The following PIK3C3 variants were observed in gnomAD, a reference collection of about 807,000 sequenced individuals.
The protein encoded by PIK3C3 is phosphatidylinositol 3-kinase catalytic subunit type 3.
PIK3C3 carries 95 observed loss-of-function variants against 126.1 expected under a neutral mutation model. The observed-to-expected ratio is 0.75, with a 90% CI of 0.64 to 0.89. The LOEUF (loss-of-function observed/expected upper bound fraction) is 0.89. Among genes scored for constraint, PIK3C3 ranks in the 40% least tolerant of loss-of-function variants. The pLI is 0.00. For missense variants in PIK3C3, 829 were observed against 1,063.2 expected (o/e 0.78, Z 3.06); for synonymous variants, 374 against 360.0 (o/e 1.04, Z -0.44).
Position 41,957,753 on chromosome 18 carries a change from A to G in PIK3C3, c.252A>G (p.Arg84=), listed in dbSNP as rs745620322. 1.9e-6 allele frequency: 3 copies of G among 1,607,784 alleles called. No homozygotes were observed. Among genetic ancestry groups the G allele is most frequent in the African/African-American group, 1.3e-5 (1 of 74,238 alleles). The change falls in exon 2 of 25, where the codon AGA becomes AGG. Residue 84 remains arginine (R), a synonymous_variant. Transcript: ENST00000262039. Reference sequence around the variant, plus strand: ...CATCCTACAAAGCATTTAGTACAAGATGGAAGTAAGTTTTTTTGTGGCATA... The same window carrying G: ...CATCCTACAAAGCATTTAGTACAAGGTGGAAGTAAGTTTTTTTGTGGCATA... ...VRTSYKAFST[R]WNWNEWLKLP...
At chr18:41,996,313 G>C (rs538843394) in intron 8 of PIK3C3, among the ~76,000 whole-genome samples, 1 of 152,234 alleles carries the variant, frequency 6.6e-6, no homozygotes, top group East Asian at 1.9e-4. Context: ...CTTTAAAAGA[G>C]TTTATTGTGT....
chr18:41,994,275 A>G (rs1268272610), intron 7 of PIK3C3, among the ~76,000 whole-genome samples: 2 of 152,194 alleles, frequency 1.3e-5, no homozygotes, highest in South Asian at 2.1e-4. Context: ...GATAGTTCCT[A>G]TGCATAGTAT....
In PIK3C3 at chr18:42,020,848, C is replaced by T. The variant is rs542978612; in HGVS notation, c.1484+143C>T. 5.3e-4 allele frequency: 301 copies of T among 562,758 alleles called. 5 individuals carry two copies. The South Asian group carries it at 6.9e-3, about 13-fold the overall frequency. 34.9% of individuals were successfully genotyped at this position (562,758 alleles called of 1,614,324 possible). The stretch of plus-strand genomic sequence containing the variant: ...ATAGTATTTATATCTAACTGTATTC[C>T]CTGACAGCTGGGTTCATGGAAATGC... On this transcript the variant is annotated intron_variant, in intron 13 of 24. Transcript: ENST00000262039.
chr18:42,016,369 A>G (rs933510318), intron 12 of PIK3C3, among the ~76,000 whole-genome samples: 3 of 152,212 alleles, frequency 2.0e-5, no homozygotes, highest in Non-Finnish European at 2.9e-5. Context: ...TAAGAAGCCA[A>G]TCTGCTACAG....
At chr18:42,037,635 T>A in intron 16 of PIK3C3, 57 bp from the exon 17 acceptor site, 2 of 1,496,010 alleles carry the variant, frequency 1.3e-6, no homozygotes, top group Non-Finnish European at 1.8e-6. Flanking sequence ...GTATGTATAG[T>A]ACAATTTTAT....
chr18:42,050,974 T>C (rs1417532679), intron 21 of PIK3C3: 1 of 152,258 alleles, frequency 6.6e-6, no homozygotes, highest in Non-Finnish European at 1.5e-5. Flanking sequence ...TAATAACATA[T>C]CTGCCCTCTT....
chr18:42,077,449 G>A (rs1339363183), intron 24 of PIK3C3, among the ~76,000 whole-genome samples: 5 of 152,158 alleles, frequency 3.3e-5, no homozygotes, highest in Admixed American at 6.5e-5. Context: ...TAAATTTATG[G>A]AATATTCTAA....
At chr18:42,078,457 T>G (rs1986117778) in intron 24 of PIK3C3, among the ~76,000 whole-genome samples, 1 of 151,668 alleles carries the variant, frequency 6.6e-6, no homozygotes, top group Admixed American at 6.6e-5. Flanking sequence ...TCCAAGCTAC[T>G]GTTTCATTTG....
chr18:42,054,128 A>G (rs58838212), intron 21 of PIK3C3, among the ~76,000 whole-genome samples: 1,101 of 3,980 alleles, frequency 0.28, 31 homozygotes, highest in East Asian at 0.42. Context: ...AACTAATGGT[A>G]TATATATATA....
chr18:41,987,768 A>G (rs374812434), intron 4 of PIK3C3, 44 bp from the exon 5 acceptor site: 2 of 1,314,516 alleles, frequency 1.5e-6, no homozygotes, highest in Non-Finnish European at 2.2e-6. Context: ...CCTTCTTTCT[A>G]CTAGATGTAT....
chr18:42,029,505 C>T, intron 15 of PIK3C3, 64 bp downstream of exon 15: 7 of 586,196 alleles, frequency 1.2e-5, no homozygotes, highest in Non-Finnish European at 1.6e-5. Flanking sequence ...ACTGAATTTT[C>T]ACTATTGTCT....
rs891662517 is a variant in PIK3C3, at chr18:41,965,191, A to G, written c.401+2559A>G. 3.3e-5 allele frequency among the ~76,000 whole-genome samples: 5 copies of G among 152,298 alleles called. No individual in the cohort carries two copies. The South Asian group carries it at 1.0e-3, about 32-fold the overall frequency. On this transcript the variant is annotated intron_variant, in intron 3 of 24. Transcript: ENST00000262039. Reference sequence around the variant, plus strand: ...CTAAATATTTTTGAGAAATAACCAGACATTCCTCTTGGTTTTTCCTCCCAG... The same window carrying G: ...CTAAATATTTTTGAGAAATAACCAGGCATTCCTCTTGGTTTTTCCTCCCAG...
intron 4 of PIK3C3, among the ~76,000 whole-genome samples, chr18:41,971,872 T>C (rs1481184014): frequency 6.6e-6 from 1 of 152,046 alleles, no homozygotes; most frequent in Non-Finnish European, 1.5e-5. Flanking sequence ...AGTCAAGAAA[T>C]ATAAAGCTTT....
Position 42,045,517 on chromosome 18 carries a change from A to G in PIK3C3, c.2188+1700A>G, listed in dbSNP as rs549324779. 3.0e-4 allele frequency among the ~76,000 whole-genome samples: 45 copies of G among 152,352 alleles called. No homozygotes were observed. In the South Asian group the frequency reaches 9.3e-3, roughly 32 times the overall value. On this transcript the variant is annotated intron_variant, in intron 20 of 24. Coordinates refer to ENST00000262039, the MANE Select transcript of PIK3C3 (RefSeq NM_002647.4). Reference sequence around the variant, plus strand: ...TAGGCTTATTGTGAATCACCTACACATGACCTGTCCCTGGCTTGGGCCTCT... The same window carrying G: ...TAGGCTTATTGTGAATCACCTACACGTGACCTGTCCCTGGCTTGGGCCTCT...
intron 2 of PIK3C3, 36 bp from the exon 3 acceptor site, chr18:41,962,453 A>G (rs1164881631): frequency 1.4e-6 from 2 of 1,465,878 alleles, no homozygotes; most frequent in African/African-American, 1.5e-5. Flanking sequence ...ATATATATAT[A>G]TGTATTTCTG....
At chr18:42,026,248 A>G (rs937913894) in intron 13 of PIK3C3, 1 of 152,240 alleles carries the variant, frequency 6.6e-6, no homozygotes, top group African/African-American at 2.4e-5. Flanking sequence ...GAAGCAAGCA[A>G]GTTGATTGAG....
intron 9 of PIK3C3, among the ~76,000 whole-genome samples, chr18:42,001,353 A>G (rs1982279795): frequency 6.6e-6 from 1 of 152,242 alleles, no homozygotes; most frequent in Admixed American, 6.5e-5. Flanking sequence ...AATAATTGAT[A>G]GAGCCAGGAA....
At position 41,957,965 on chromosome 18, in the gene PIK3C3, G is replaced by C. The variant is rs192568844; in HGVS notation, c.257+207G>C. Among the ~76,000 whole-genome samples the C allele has an allele frequency of 7.2e-5, 11 of 152,312 alleles. No homozygotes were observed. In the East Asian group the frequency reaches 1.9e-3, roughly 27 times the overall value. On this transcript the variant is annotated intron_variant, in intron 2 of 24. Transcript: ENST00000262039. ...TTGAAATAGAAATGGATTTATGTTT[G>C]TAGTTAGCATATTGACATTTTGATA...
Position 42,070,225 on chromosome 18 carries a change from C to A in PIK3C3, c.2649+2712C>A, listed in dbSNP as rs149048933. On this transcript the variant is annotated intron_variant, in intron 24 of 24. Transcript: ENST00000262039. Reference sequence around the variant, plus strand: ...CTTAAAATAAGTCCCAAGAGCAGCCCAGATTCACAGAGAGAAAAAATAGAT... The same window carrying A: ...CTTAAAATAAGTCCCAAGAGCAGCCAAGATTCACAGAGAGAAAAAATAGAT... Among the ~76,000 whole-genome samples, 1,483 of 152,174 alleles carry A rather than the reference C, an allele frequency of 9.7e-3. 16 individuals are homozygous for A. The highest frequency in any genetic ancestry group is 0.034 in the African/African-American group (1,410 of 41,512).
Sources: gnomAD v4.1 joint callset for allele counts (sites outside exome capture counted in the v4.1 genomes callset) on GRCh38, gnomAD v4.1.1 for gene constraint, MANE v1.5 for transcripts, NCBI Gene and HGNC (gene_info 2026-07-23, HGNC 2026-07-21) for gene names.